TVP23C: variants seen among roughly 807,000 people sequenced by gnomAD.
TVP23C encodes the protein trans-golgi network vesicle protein 23 homolog C, also known as Golgi apparatus membrane protein TVP23 homolog C.
In TVP23C, 19 loss-of-function variants were observed where a neutral mutation model predicts 28.7. The ratio of observed to expected loss-of-function variants is 0.66; its 90% CI spans 0.46 to 0.97. The LOEUF (loss-of-function observed/expected upper bound fraction) is 0.97. Ranked by LOEUF, TVP23C falls within the 50% of genes least tolerant of loss-of-function variation. The pLI, the probability that TVP23C is intolerant of heterozygous loss-of-function variation, is 0.00. For synonymous variants in TVP23C, 68 were observed against 81.7 expected (o/e 0.83, Z 0.90); for missense variants, 186 against 241.3 (o/e 0.77, Z 1.52).
chr17:15,522,427 T>C (rs1982519147), intron 5 of TVP23C, among the ~76,000 whole-genome samples: 1 of 151,942 alleles, frequency 6.6e-6, no homozygotes, highest in Admixed American at 6.6e-5. Flanking sequence ...AAGGAAAAAA[T>C]AGACCTATTC....
rs780163261 is a variant in TVP23C at position 15,503,105 on chromosome 17, A to C, written c.590T>G (p.Phe197Cys). 1.2e-5 allele frequency: 19 copies of C among 1,613,822 alleles called. No individual in the cohort carries two copies. In the Admixed American group the frequency reaches 2.0e-4, roughly 17 times the overall value. ...GAAAGAATTAATGTCTACCTGATGA[A>C]ACTTCCTCGAGGGATGGCCCGGGCA... is the stretch of plus-strand genomic sequence containing the variant. The change falls in exon 6 of 6, where the codon TTT (phenylalanine) becomes TGT (cysteine). Residue 197 changes from phenylalanine to cysteine, a missense_variant. Physicochemically the swap from Phe to Cys is radical, Grantham distance 205. Coordinates refer to the TVP23C transcript ENST00000225576.
chr17:15,525,428 C>T lies in TVP23C; in HGVS notation c.462+20357G>A, dbSNP rs554710608. Reference sequence around the variant, plus strand: ...ATTTTATAGATGTGGCTAACATCTACAATCTGTTAACACTGAGTAAAACAG... The same window carrying T: ...ATTTTATAGATGTGGCTAACATCTATAATCTGTTAACACTGAGTAAAACAG... On this transcript the variant is annotated intron_variant, in intron 5 of 5. Transcript: ENST00000225576. Among the ~76,000 whole-genome samples the T allele has an allele frequency of 2.0e-5, 3 of 152,356 alleles. No individual in the cohort carries two copies. In the South Asian group the frequency reaches 6.2e-4, roughly 32 times the overall value.
At position 15,539,686 on chromosome 17, in the gene TVP23C, C is replaced by A. The variant is rs550089207; in HGVS notation, c.*726G>T. On this transcript the variant is annotated 3_prime_UTR_variant, in exon 6 of 6. Coordinates refer to ENST00000518321, the MANE Select transcript of TVP23C (RefSeq NM_001135036.2). The stretch of plus-strand genomic sequence containing the variant: ...TTACCTATGACTACTACTCATCCTG[C>A]TGAAAACCCTGATGTTGAGGTATTA... The A allele has an allele frequency of 7.1e-6, 7 of 985,088 alleles. No homozygotes were observed. The South Asian group carries it at 2.8e-4, about 40-fold the overall frequency. 61.0% of individuals were successfully genotyped at this position (985,088 alleles called of 1,614,324 possible).
chr17:15,551,791 G>C (rs1013220705), intron 3 of TVP23C, among the ~76,000 whole-genome samples: 2 of 152,140 alleles, frequency 1.3e-5, no homozygotes, highest in African/African-American at 4.8e-5. Context: ...ACACCCAGGG[G>C]TTTAGATGAA....
intron 5 of TVP23C, among the ~76,000 whole-genome samples, chr17:15,519,445 C>T (rs770291424): frequency 2.0e-5 from 3 of 150,958 alleles, no homozygotes; most frequent in Non-Finnish European, 4.4e-5. Flanking sequence ...GCATTCCAGC[C>T]CAGGTGACAG....
Position 15,545,836 on chromosome 17 carries a change from C to T in TVP23C, c.411G>A (p.Leu137=), listed in dbSNP as rs753572363. The T allele has an allele frequency of 3.1e-6, 5 of 1,614,028 alleles. No individual in the cohort carries two copies. Among genetic ancestry groups the T allele is most frequent in the Non-Finnish European group, 4.2e-6 (5 of 1,180,008 alleles). ...FWLGLIACSV[L]WVIFAFSALF... ...GTGCACTAAAGGCAAATATCACCCA[C>T]AGTACTGAACAGGCAATAAGTCCCA... Residue 137 remains leucine, a synonymous_variant, in exon 5 of 6, where the codon CTG becomes CTA. Transcript: ENST00000518321.
Position 15,538,990 on chromosome 17 carries a change from T to G in TVP23C, c.*1422A>C, listed in dbSNP as rs1350886801. ...AATAAAAAGAACAATAAATTTTGAG[T>G]ACAGAGGGCTGGGTTTAAGATCTAG... is the stretch of plus-strand genomic sequence containing the variant. On this transcript the variant is annotated 3_prime_UTR_variant, in exon 6 of 6. Transcript: ENST00000518321. 1.0e-6 allele frequency: 1 copy of G among 985,728 alleles called. No individual in the cohort carries two copies. The highest frequency in any genetic ancestry group is 1.1e-4 in the East Asian group (1 of 8,818). 61.1% of individuals were successfully genotyped at this position (985,728 alleles called of 1,614,324 possible).
intron 5 of TVP23C, among the ~76,000 whole-genome samples, chr17:15,544,917 T>A (rs1402146507): frequency 6.6e-6 from 1 of 151,984 alleles, no homozygotes; most frequent in East Asian, 1.9e-4. Flanking sequence ...CCAAAATATA[T>A]CTGATATCAA....
At chr17:15,507,382 TG>T in intron 5 of TVP23C, 1 of 658,026 alleles carries the variant, frequency 1.5e-6, no homozygotes, top group Non-Finnish European at 2.8e-6. Context: ...TCTTAACCAC[TG>T]GACCATTCCT....
At chr17:15,521,273 G>C (rs1463891993) in intron 5 of TVP23C, among the ~76,000 whole-genome samples, 1 of 152,144 alleles carries the variant, frequency 6.6e-6, no homozygotes, top group Non-Finnish European at 1.5e-5. Context: ...GGGAGGTTGA[G>C]GCAGGCAGAT....
rs750431869 is a variant in TVP23C, at chr17:15,553,706, C to T, written c.219G>A (p.Ser73=). 15 of 1,610,130 alleles carry T rather than the reference C, an allele frequency of 9.3e-6. No homozygotes were observed. Among genetic ancestry groups the T allele is most frequent in the Non-Finnish European group, 1.3e-5 (15 of 1,179,066 alleles). Residue 73 remains serine (S), a synonymous_variant, in exon 3 of 6, where the codon TCG becomes TCA. Coordinates refer to ENST00000518321, the MANE Select transcript of TVP23C (RefSeq NM_001135036.2). ...TCMVTIILLL[S]CDFWAVKNVT... ...TTACCTTCACTGCCCAAAAGTCACACGACAACAACAAGATAATTGTAACCA... is the reference window on the plus strand; with the variant it reads ...TTACCTTCACTGCCCAAAAGTCACATGACAACAACAAGATAATTGTAACCA...
chr17:15,522,995 T>C (rs996475980), intron 5 of TVP23C, among the ~76,000 whole-genome samples: 4 of 151,638 alleles, frequency 2.6e-5, no homozygotes, highest in African/African-American at 9.7e-5. Flanking sequence ...ATGTTAAAAG[T>C]GAAGTTATAG....
chr17:15,521,420 C>T (rs1252292511), intron 5 of TVP23C, among the ~76,000 whole-genome samples: 2 of 152,142 alleles, frequency 1.3e-5, no homozygotes, highest in East Asian at 1.9e-4. Context: ...AGGAGAATGT[C>T]GTGAGCCCAG....
rs1981549729 is a variant in TVP23C, at chr17:15,503,034, GGCGGGGC to G, written c.654_660del (p.Pro219LeufsTer63). On this transcript the variant is annotated frameshift_variant, in exon 6 of 6. Transcript: ENST00000225576. LOFTEE classifies it low-confidence loss of function (END_TRUNC). Reference sequence around the variant, plus strand: ...GCCGCACGAAGAGGTGGAGAACTAAGGCGGGGCGCAGGTTTCCAGTAAAGAGCTCGAT... The same window carrying G: ...GCCGCACGAAGAGGTGGAGAACTAAGGCAGGTTTCCAGTAAAGAGCTCGAT... The G allele has an allele frequency of 2.5e-6, 4 of 1,613,960 alleles. No individual in the cohort carries two copies. The South Asian group carries it at 4.4e-5, about 18-fold the overall frequency.
downstream of TVP23C, among the ~76,000 whole-genome samples, chr17:15,532,473 G>A (rs1259487987): frequency 6.6e-6 from 1 of 152,182 alleles, no homozygotes; most frequent in East Asian, 1.9e-4. Flanking sequence ...CACAGCTACT[G>A]TGGTCTCAAG....
Position 15,538,953 on chromosome 17 carries a change from A to T in TVP23C, c.*1459T>A. The T allele has an allele frequency of 1.0e-6, 1 of 985,814 alleles. No individual in the cohort carries two copies. The highest frequency in any genetic ancestry group is 1.2e-6 in the Non-Finnish European group (1 of 829,908). 61.1% of individuals were successfully genotyped at this position (985,814 alleles called of 1,614,324 possible). Reference sequence around the variant, plus strand: ...CTACTTTTCATCTTCTGTGAGAGAAACTGTACAGTAGAATAAAAAGAACAA... The same window carrying T: ...CTACTTTTCATCTTCTGTGAGAGAATCTGTACAGTAGAATAAAAAGAACAA... On this transcript the variant is annotated 3_prime_UTR_variant, in exon 6 of 6. Coordinates refer to ENST00000518321, the MANE Select transcript of TVP23C (RefSeq NM_001135036.2).
chr17:15,515,424 C>T (rs1483056836), intron 5 of TVP23C, among the ~76,000 whole-genome samples: 5 of 152,264 alleles, frequency 3.3e-5, no homozygotes, highest in Non-Finnish European at 4.4e-5. Context: ...CCGGGCCAGG[C>T]GCTGTTGGGG....
At position 15,503,030 on chromosome 17, in the gene TVP23C, C is replaced by A. The variant is rs745964725; in HGVS notation, c.665G>T (p.Ser222Ile). The A allele has an allele frequency of 2.5e-6, 4 of 1,613,946 alleles. No individual in the cohort carries two copies. In the African/African-American group the frequency reaches 4.0e-5, roughly 16 times the overall value. Residue 222 changes from serine (S) to isoleucine (I), a missense_variant, in exon 6 of 6, where the codon AGT (serine) becomes ATT (isoleucine). Coordinates refer to the TVP23C transcript ENST00000225576. The stretch of plus-strand genomic sequence containing the variant: ...TGGAGCCGCACGAAGAGGTGGAGAA[C>A]TAAGGCGGGGCGCAGGTTTCCAGTA...
intron 5 of TVP23C, among the ~76,000 whole-genome samples, chr17:15,510,992 T>A (rs527436056): frequency 2.1e-5 from 3 of 140,376 alleles, no homozygotes; most frequent in Admixed American, 7.9e-5. Flanking sequence ...AGGCAGAGGT[T>A]GCAGTAAGCT....
Sources: allele counts gnomAD v4.1 joint callset (sites outside exome capture counted in the v4.1 genomes callset), GRCh38; gene constraint gnomAD v4.1.1; transcripts MANE v1.5; gene names NCBI Gene and HGNC (gene_info 2026-07-23, HGNC 2026-07-21).